EPB41L2: variants seen among roughly 807,000 people sequenced by gnomAD.
The protein encoded by EPB41L2 is band 4.1-like protein 2.
In EPB41L2, 43 loss-of-function variants were observed where a neutral mutation model predicts 113.0. That is an observed-to-expected ratio of 0.38 (90% CI 0.30 to 0.49). The LOEUF (loss-of-function observed/expected upper bound fraction) is 0.49, where lower values mean the gene tolerates loss of function less well. EPB41L2 is among the 20% of genes least tolerant of loss of function. The pLI, the probability that EPB41L2 is intolerant of heterozygous loss-of-function variation, is 0.95. For missense variants in EPB41L2, 1,147 were observed against 1,223.4 expected, an observed-to-expected ratio of 0.94 and a Z score of 0.93; for synonymous variants, 442 against 436.7, an observed-to-expected ratio of 1.01 and a Z score of -0.15.
intron 1 of EPB41L2, among the ~76,000 whole-genome samples, chr6:131,052,274 T>C (rs1425564840): frequency 3.3e-5 from 5 of 152,136 alleles, no homozygotes; most frequent in Non-Finnish European, 7.4e-5. Context: ...CCAAAAACAG[T>C]TCTGGTTACA....
At chr6:130,964,973 C>G (rs79626175) in intron 1 of EPB41L2, among the ~76,000 whole-genome samples, 1 of 152,160 alleles carries the variant, frequency 6.6e-6, no homozygotes, top group African/African-American at 2.4e-5. Flanking sequence ...ATAACTTGCA[C>G]CTAGCATGAT....
chr6:131,034,340 T>C (rs1004501121), intron 1 of EPB41L2, among the ~76,000 whole-genome samples: 1 of 152,126 alleles, frequency 6.6e-6, no homozygotes, highest in Non-Finnish European at 1.5e-5. Flanking sequence ...AGGTGTAGTG[T>C]CATACGCCTG....
At chr6:130,997,250 G>A (rs944525092) in intron 1 of EPB41L2, among the ~76,000 whole-genome samples, 1 of 152,102 alleles carries the variant, frequency 6.6e-6, no homozygotes, top group African/African-American at 2.4e-5. Context: ...CTTCATACAA[G>A]GATTAAAGCC....
chr6:130,874,028 A>G (rs1055672837), intron 14 of EPB41L2, among the ~76,000 whole-genome samples: 3 of 152,188 alleles, frequency 2.0e-5, no homozygotes, highest in African/African-American at 7.2e-5. Context: ...GAAGTGCCAC[A>G]CATTTCGTTA....
At chr6:130,944,580 C>T (rs954933356) in intron 3 of EPB41L2, among the ~76,000 whole-genome samples, 13 of 152,022 alleles carry the variant, frequency 8.6e-5, no homozygotes, top group Non-Finnish European at 1.8e-4. Context: ...CAAACAAGTT[C>T]CAAGGAAGAA....
intron 1 of EPB41L2, among the ~76,000 whole-genome samples, chr6:130,980,270 A>G (rs963144923): frequency 1.1e-4 from 16 of 152,166 alleles, no homozygotes; most frequent in Admixed American, 9.2e-4. Context: ...AAGGCAAGTA[A>G]TAACTACAAA....
intron 4 of EPB41L2, among the ~76,000 whole-genome samples, chr6:130,922,467 G>A (rs1803173555): frequency 6.6e-6 from 1 of 152,182 alleles, no homozygotes; most frequent in South Asian, 2.1e-4. Flanking sequence ...GTTTACAACT[G>A]TTGGCATTTT....
chr6:130,914,312 T>C (rs754833437), intron 4 of EPB41L2, among the ~76,000 whole-genome samples: 20 of 152,234 alleles, frequency 1.3e-4, no homozygotes, highest in Non-Finnish European at 2.1e-4. Flanking sequence ...CATAATTTTA[T>C]ATATCCATAG....
Position 131,036,075 on chromosome 6 carries a change from T to C in EPB41L2, c.-15+27080A>G, listed in dbSNP as rs116398645. 9.2e-3 allele frequency among the ~76,000 whole-genome samples: 1,395 copies of C among 152,292 alleles called. 19 individuals are homozygous for C. The highest frequency in any genetic ancestry group is 0.027 in the African/African-American group (1,113 of 41,562). ...TGGGTGATGGGCAGTGGGGAATCATTTAAAATTTCAGGGTCTCAATTTTTC... is the reference window on the plus strand; with the variant it reads ...TGGGTGATGGGCAGTGGGGAATCATCTAAAATTTCAGGGTCTCAATTTTTC... On this transcript the variant is annotated intron_variant, in intron 1 of 19. Transcript: ENST00000337057.
In EPB41L2 at chr6:131,029,388, G is replaced by GTT. The variant is rs138241613; in HGVS notation, c.-15+33765_-15+33766dup. 3.1e-3 allele frequency among the ~76,000 whole-genome samples: 307 copies of GTT among 97,520 alleles called. 15 individuals are homozygous for GTT. Among genetic ancestry groups the GTT allele is most frequent in the Non-Finnish European group, 3.1e-3 (153 of 48,622 alleles). 64.0% of individuals were successfully genotyped at this position (97,520 alleles called of 152,430 possible). On this transcript the variant is annotated intron_variant, in intron 1 of 19. Transcript: ENST00000337057. ...TCACACCCACCCTACTTCAGCATTT[G>GTT]TTTAAAAAAAAAAAAAAAAAAAAAA... is the stretch of plus-strand genomic sequence containing the variant.
intron 19 of EPB41L2, among the ~76,000 whole-genome samples, chr6:130,855,549 T>C (rs1779960303): frequency 6.6e-6 from 1 of 152,178 alleles, no homozygotes; most frequent in Non-Finnish European, 1.5e-5. Context: ...GTCAGGTTGC[T>C]AGATATAAGA....
chr6:130,967,542 A>G (rs1023412048), intron 1 of EPB41L2, among the ~76,000 whole-genome samples: 14 of 152,132 alleles, frequency 9.2e-5, no homozygotes, highest in African/African-American at 3.4e-4. Context: ...GTTCTCTGAA[A>G]GTTGGGGACA....
At chr6:130,915,294 C>T (rs1397375372) in intron 4 of EPB41L2, among the ~76,000 whole-genome samples, 9 of 152,112 alleles carry the variant, frequency 5.9e-5, no homozygotes, top group Non-Finnish European at 2.9e-5. Flanking sequence ...CAGAGCGAGA[C>T]TCCGTCTCAA....
chr6:131,054,784 T>C (rs1797293969), intron 1 of EPB41L2, among the ~76,000 whole-genome samples: 1 of 152,200 alleles, frequency 6.6e-6, no homozygotes, highest in South Asian at 2.1e-4. Flanking sequence ...AGAAAAGAGC[T>C]CCCTGCTTCT....
chr6:130,906,284 T>C (rs137860040), intron 5 of EPB41L2, among the ~76,000 whole-genome samples: 2 of 152,260 alleles, frequency 1.3e-5, no homozygotes, highest in African/African-American at 4.8e-5. Flanking sequence ...CTTCCAAATC[T>C]AAAAGCTGTT....
At chr6:130,875,984 CAAA>C (rs11452626) in intron 14 of EPB41L2, among the ~76,000 whole-genome samples, 3 of 128,490 alleles carry the variant, frequency 2.3e-5, no homozygotes, top group Non-Finnish European at 4.8e-5. Context: ...GAGTGCATCT[CAAA>C]AAAAAAAAAA....
chr6:130,942,013 C>T (rs1291049642), intron 3 of EPB41L2, among the ~76,000 whole-genome samples: 1 of 152,134 alleles, frequency 6.6e-6, no homozygotes, highest in East Asian at 1.9e-4. Flanking sequence ...AATTTAGCCA[C>T]CTTGCATCAT....
intron 1 of EPB41L2, among the ~76,000 whole-genome samples, chr6:131,051,412 G>C (rs1404639347): frequency 4.8e-5 from 5 of 104,826 alleles, no homozygotes; most frequent in African/African-American, 2.0e-4. Flanking sequence ...AATGAAGTGA[G>C]AAAAGTTTTC....
Position 130,880,334 on chromosome 6 carries a change from T to C in EPB41L2, c.1834-128A>G, listed in dbSNP as rs975072814. The C allele has an allele frequency of 6.0e-6, 4 of 665,910 alleles. No individual in the cohort carries two copies. In the East Asian group the frequency reaches 8.3e-5, roughly 14 times the overall value. The allele number at this position is 665,910 out of a possible 1,614,324, so 41.3% of individuals were successfully genotyped here. A position where few individuals can be genotyped will look rare whatever the true frequency, so the allele number is the denominator to read the frequency against. ...AAATAAAAGAGGAATACAAATCTTA[T>C]GAACTTAAAGCCACAACAAACACAA... On this transcript the variant is annotated intron_variant, in intron 12 of 19. Coordinates refer to ENST00000337057, the MANE Select transcript of EPB41L2 (RefSeq NM_001431.4).
Sources: allele counts gnomAD v4.1 joint callset (sites outside exome capture counted in the v4.1 genomes callset), GRCh38; gene constraint gnomAD v4.1.1; transcripts MANE v1.5; gene names NCBI Gene and HGNC (gene_info 2026-07-23, HGNC 2026-07-21).